The following NRDC variants were observed in gnomAD, a reference collection of about 807,000 sequenced individuals.
NRDC encodes the protein nardilysin.
Under a neutral mutation model 147.1 loss-of-function variants are expected in NRDC, and 54 were observed. The ratio of observed to expected loss-of-function variants is 0.37; its 90% CI spans 0.29 to 0.46. NRDC has a LOEUF of 0.46. Among genes scored for constraint, NRDC ranks in the 20% least tolerant of loss-of-function variants. NRDC has a pLI of 1.00. For missense variants in NRDC, 1,082 were observed against 1,370.6 expected (o/e 0.79, Z 3.33); for synonymous variants, 440 against 482.1 (o/e 0.91, Z 1.14).
chr1:51,877,510 C>T lies in NRDC; in HGVS notation c.341+765G>A, dbSNP rs115258988. ...ACCCAGACTCTTATTAAAACACACA[C>T]GCACACACACACACGCAAGATACAT... is the stretch of plus-strand genomic sequence containing the variant. On this transcript the variant is annotated intron_variant, in intron 1 of 30. Coordinates refer to ENST00000352171, the MANE Select transcript of NRDC (RefSeq NM_001101662.2). Among the ~76,000 whole-genome samples the T allele has an allele frequency of 6.8e-3, 1,035 of 152,162 alleles. 12 individuals carry two copies. The highest frequency in any genetic ancestry group is 0.024 in the African/African-American group (989 of 41,500).
intron 1 of NRDC, chr1:51,859,975 G>T: frequency 5.2e-6 from 1 of 190,502 alleles, no homozygotes. Context: ...GCTTCCCTCA[G>T]CCATAACAGG....
chr1:51,863,032 A>C (rs1221226020), intron 1 of NRDC, among the ~76,000 whole-genome samples: 2 of 150,528 alleles, frequency 1.3e-5, no homozygotes, highest in African/African-American at 2.4e-5. Context: ...AAAAAAAAAA[A>C]AAAAAACAAG....
intron 7 of NRDC, 82 bp from the exon 8 acceptor site, chr1:51,821,637 T>C: frequency 1.0e-6 from 1 of 988,706 alleles, no homozygotes; most frequent in Non-Finnish European, 1.6e-6. Flanking sequence ...TTCTCAGAGA[T>C]CTTTAGCTAA....
intron 16 of NRDC, 59 bp downstream of exon 16, chr1:51,810,221 TA>T (rs1679652628): frequency 1.5e-6 from 2 of 1,298,526 alleles, no homozygotes; most frequent in Non-Finnish European, 2.1e-6. Context: ...TATTAAAGAA[TA>T]AACATTTCCA....
At chr1:51,819,027 C>A (rs577845432) in intron 9 of NRDC, among the ~76,000 whole-genome samples, 1 of 152,122 alleles carries the variant, frequency 6.6e-6, no homozygotes, top group African/African-American at 2.4e-5. Flanking sequence ...GGAGGCCGGG[C>A]GTGGTGGCTC....
chr1:51,875,784 G>A (rs1372682838), intron 1 of NRDC, among the ~76,000 whole-genome samples: 7 of 151,928 alleles, frequency 4.6e-5, no homozygotes, highest in African/African-American at 2.4e-5. Flanking sequence ...GAAATCCTGC[G>A]CTCAAGTGAT....
chr1:51,829,384 A>G (rs1680601496), intron 4 of NRDC, among the ~76,000 whole-genome samples: 1 of 152,218 alleles, frequency 6.6e-6, no homozygotes, highest in Non-Finnish European at 1.5e-5. Context: ...TTAGTGTACA[A>G]TTTATGATTC....
chr1:51,858,351 C>T lies in NRDC; in HGVS notation c.342-17837G>A, dbSNP rs530459796. The stretch of plus-strand genomic sequence containing the variant: ...AAAATCAGCTGGATGTGGTGGTGTA[C>T]ACCTGTAGTTCCAGCTACTCAGGAG... On this transcript the variant is annotated intron_variant, in intron 1 of 30. Transcript: ENST00000352171. 2.6e-5 allele frequency among the ~76,000 whole-genome samples: 4 copies of T among 151,844 alleles called. No homozygotes were observed. The East Asian group carries it at 7.8e-4, about 29-fold the overall frequency.
chr1:51,853,714 A>G (rs1055695314), intron 1 of NRDC, among the ~76,000 whole-genome samples: 7 of 152,226 alleles, frequency 4.6e-5, no homozygotes, highest in Non-Finnish European at 1.0e-4. Context: ...ATCTTAGCCA[A>G]GCAGGGAGGA....
intron 19 of NRDC, among the ~76,000 whole-genome samples, chr1:51,805,035 T>G (rs1679400521): frequency 6.6e-6 from 1 of 152,256 alleles, no homozygotes; most frequent in African/African-American, 2.4e-5. Context: ...ATCTCCTATA[T>G]TCAGACACAT....
intron 8 of NRDC, among the ~76,000 whole-genome samples, chr1:51,820,901 T>C (rs536391004): frequency 6.6e-6 from 1 of 152,284 alleles, no homozygotes; most frequent in South Asian, 2.1e-4. Flanking sequence ...AAGGTAGCAG[T>C]AATGTATCTT....
intron 20 of NRDC, among the ~76,000 whole-genome samples, chr1:51,802,688 T>C (rs531058308): frequency 2.7e-4 from 41 of 152,268 alleles, no homozygotes; most frequent in African/African-American, 9.6e-4. Flanking sequence ...CAATCTTTGT[T>C]CCATGGGGAG....
chr1:51,855,331 T>G (rs1352104147), intron 1 of NRDC, among the ~76,000 whole-genome samples: 1 of 152,148 alleles, frequency 6.6e-6, no homozygotes, highest in African/African-American at 2.4e-5. Flanking sequence ...AAAACCTCAG[T>G]GTGGTTATGT....
chr1:51,871,296 G>A (rs1473120128), intron 1 of NRDC, among the ~76,000 whole-genome samples: 1 of 151,966 alleles, frequency 6.6e-6, no homozygotes, highest in African/African-American at 2.4e-5. Context: ...CAGCCTGGGT[G>A]ACAGAGCAAG....
intron 20 of NRDC, 168 bp from the exon 21 acceptor site, chr1:51,800,851 T>G (rs1013117070): frequency 1.6e-6 from 1 of 644,610 alleles, no homozygotes; most frequent in Non-Finnish European, 2.6e-6. Context: ...TTTGTTTGGG[T>G]GTTACCTGGA....
intron 1 of NRDC, among the ~76,000 whole-genome samples, chr1:51,859,450 A>G (rs1475712965): frequency 6.6e-6 from 1 of 152,230 alleles, no homozygotes; most frequent in African/African-American, 2.4e-5. Flanking sequence ...CACATTCTCA[A>G]TGCCTAGGCC....
chr1:51,789,547 G>GAGTT lies in NRDC; in HGVS notation c.3258+17_3258+20dup, dbSNP rs576609828. 1.0e-4 allele frequency: 168 copies of GAGTT among 1,601,636 alleles called. 1 individual carries two copies. In the South Asian group the frequency reaches 1.4e-3, roughly 13 times the overall value. On this transcript the variant is annotated intron_variant, in intron 30 of 30. Transcript: ENST00000352171. ...GTAAATGACAACCCTAGAATGGATG[G>GAGTT]AGTTAGTTAAACATACTCACATGAA...
chr1:51,797,243 C>A (rs1305356623), intron 22 of NRDC, among the ~76,000 whole-genome samples: 1 of 152,046 alleles, frequency 6.6e-6, no homozygotes, highest in East Asian at 1.9e-4. Context: ...ACTATATTCA[C>A]ACTGTTGTGC....
At chr1:51,838,679 A>G (rs1196039632) in intron 2 of NRDC, among the ~76,000 whole-genome samples, 1 of 152,232 alleles carries the variant, frequency 6.6e-6, no homozygotes. Context: ...ACGCAGAAAG[A>G]AAGGAACAGA....
Sources: gnomAD v4.1 joint callset for allele counts (sites outside exome capture counted in the v4.1 genomes callset) on GRCh38, gnomAD v4.1.1 for gene constraint, MANE v1.5 for transcripts, NCBI Gene and HGNC (gene_info 2026-07-23, HGNC 2026-07-21) for gene names.